The following RIMS2 variants were observed in gnomAD, a reference collection of about 807,000 sequenced individuals.
RIMS2 encodes regulating synaptic membrane exocytosis protein 2.
RIMS2 carries 59 observed loss-of-function variants against 174.4 expected under a neutral mutation model. The ratio of observed to expected loss-of-function variants is 0.34; its 90% CI spans 0.27 to 0.42. The LOEUF (loss-of-function observed/expected upper bound fraction) is 0.42. Among genes scored for constraint, RIMS2 ranks in the 10% least tolerant of loss-of-function variants. The probability of loss-of-function intolerance (pLI) is 1.00; values close to 1 mark genes in which losing one functional copy is unlikely to be tolerated. For missense variants in RIMS2, 1,620 were observed against 1,666.3 expected, an observed-to-expected ratio of 0.97 and a Z score of 0.48; for synonymous variants, 606 against 572.5, an observed-to-expected ratio of 1.06 and a Z score of -0.84.
At chr8:103,878,919 C>T (rs1396556273) in intron 3 of RIMS2, among the ~76,000 whole-genome samples, 1 of 151,582 alleles carries the variant, frequency 6.6e-6, no homozygotes, top group Non-Finnish European at 1.5e-5. Context: ...ATTTTAAGAT[C>T]CAATTGTAAT....
At chr8:103,633,972 C>T (rs746138284) in intron 1 of RIMS2, among the ~76,000 whole-genome samples, 1 of 152,036 alleles carries the variant, frequency 6.6e-6, no homozygotes, top group Non-Finnish European at 1.5e-5. Flanking sequence ...AAATCAACTG[C>T]TGGATTTGTT....
At chr8:103,834,411 A>T (rs78977448) in intron 3 of RIMS2, among the ~76,000 whole-genome samples, 1,681 of 141,000 alleles carry the variant, frequency 0.012, 22 homozygotes, top group South Asian at 0.05. Flanking sequence ...ATTATTGCTC[A>T]CTGCAGCTTC....
At chr8:104,098,268 A>C (rs763576948) in intron 19 of RIMS2, among the ~76,000 whole-genome samples, 2 of 152,194 alleles carry the variant, frequency 1.3e-5, no homozygotes, top group Non-Finnish European at 2.9e-5. Context: ...AAGTTTAATG[A>C]AATTAAACAT....
intron 1 of RIMS2, among the ~76,000 whole-genome samples, chr8:103,618,806 G>A (rs995349635): frequency 1.3e-5 from 2 of 152,100 alleles, no homozygotes; most frequent in African/African-American, 4.8e-5. Context: ...GACTCAAGTG[G>A]AGCAAATGAG....
intron 1 of RIMS2, among the ~76,000 whole-genome samples, chr8:103,619,317 A>G (rs1991282): frequency 6.6e-6 from 1 of 151,016 alleles, no homozygotes; most frequent in Non-Finnish European, 1.5e-5. Flanking sequence ...AAAATTCTAG[A>G]TGATATCAAC....
At chr8:103,746,439 T>C (rs1271095787) in intron 2 of RIMS2, among the ~76,000 whole-genome samples, 2 of 152,146 alleles carry the variant, frequency 1.3e-5, no homozygotes, top group African/African-American at 2.4e-5. Context: ...ACTAGCTGTA[T>C]TTATTTTATT....
At chr8:104,113,942 C>T (rs1003195110) in intron 19 of RIMS2, among the ~76,000 whole-genome samples, 3 of 151,614 alleles carry the variant, frequency 2.0e-5, no homozygotes, top group African/African-American at 7.3e-5. Flanking sequence ...GGATTAATGG[C>T]ATACAAAAAA....
chr8:103,782,735 A>G (rs1198651140), intron 3 of RIMS2, among the ~76,000 whole-genome samples: 2 of 152,128 alleles, frequency 1.3e-5, no homozygotes, highest in Non-Finnish European at 2.9e-5. Flanking sequence ...TTTTTTTATC[A>G]TAAGTGAGTC....
chr8:103,841,309 C>CT (rs1206591079), intron 3 of RIMS2, among the ~76,000 whole-genome samples: 1 of 152,116 alleles, frequency 6.6e-6, no homozygotes, highest in Non-Finnish European at 1.5e-5. Flanking sequence ...GAAATTGCTG[C>CT]TTTTTTTCTT....
intron 19 of RIMS2, among the ~76,000 whole-genome samples, chr8:104,036,133 TTTTA>T (rs142714435): frequency 0.2 from 29,804 of 146,688 alleles, 3,211 homozygotes; most frequent in African/African-American, 0.27. Flanking sequence ...ATTTATTTTA[TTTTA>T]TTTATTTATT....
chr8:103,918,521 T>G (rs1258828520), intron 9 of RIMS2, 34 bp downstream of exon 12: 6 of 1,449,708 alleles, frequency 4.1e-6, no homozygotes, highest in Non-Finnish European at 5.8e-6. Context: ...AAAACGTTAT[T>G]TATAATTGCA....
chr8:103,596,953 C>G (rs1459950862), intron 1 of RIMS2, among the ~76,000 whole-genome samples: 1 of 151,966 alleles, frequency 6.6e-6, no homozygotes, highest in Admixed American at 6.6e-5. Flanking sequence ...CAATATGAAT[C>G]TTAATATTTT....
intron 1 of RIMS2, among the ~76,000 whole-genome samples, chr8:103,575,383 C>G (rs1335140655): frequency 6.6e-6 from 1 of 152,024 alleles, no homozygotes; most frequent in Non-Finnish European, 1.5e-5. Context: ...GCAGTATCTA[C>G]CAAAGCTGAA....
intron 4 of RIMS2, among the ~76,000 whole-genome samples, chr8:103,887,421 G>T (rs1594586373): frequency 6.6e-6 from 1 of 150,872 alleles, no homozygotes; most frequent in South Asian, 2.1e-4. Context: ...TTTGTATTTG[G>T]TGATTTTTTT....
At chr8:104,239,115 T>C (rs1403703365) in intron 19 of RIMS2, among the ~76,000 whole-genome samples, 9 of 152,196 alleles carry the variant, frequency 5.9e-5, no homozygotes, top group African/African-American at 2.2e-4. Flanking sequence ...AGTTTGACAA[T>C]GCATTGTAAG....
chr8:103,868,005 G>A lies in RIMS2; in HGVS notation c.699-17293G>A, dbSNP rs372916081. 6.6e-5 allele frequency among the ~76,000 whole-genome samples: 10 copies of A among 151,954 alleles called. No homozygotes were observed. The South Asian group carries it at 1.9e-3, about 28-fold the overall frequency. ...AGCCCATTATGTTTAATAATGTTCT[G>A]TTACAAATTTGTTTTTGGCTTCATT... On this transcript the variant is annotated intron_variant, in intron 3 of 23. Coordinates refer to ENST00000504942, the Ensembl canonical transcript of RIMS2.
chr8:103,559,699 A>G lies in RIMS2; in HGVS notation c.176+58637A>G, dbSNP rs1057395753. Among the ~76,000 whole-genome samples, 11 of 152,234 alleles carry G rather than the reference A, an allele frequency of 7.2e-5. 1 individual carries two copies. The highest frequency in any genetic ancestry group is 1.6e-4 in the Non-Finnish European group (11 of 68,032). On this transcript the variant is annotated intron_variant, in intron 1 of 23. Coordinates refer to ENST00000504942, the Ensembl canonical transcript of RIMS2. ...AATAGATACTTAATGAAATTATATC[A>G]ATATGTGTTAGATTATCAAAAACCA...
chr8:104,198,491 A>G (rs886741241), intron 19 of RIMS2, among the ~76,000 whole-genome samples: 9 of 152,262 alleles, frequency 5.9e-5, no homozygotes, highest in African/African-American at 2.2e-4. Flanking sequence ...TATTTCTAGG[A>G]GGCTGTGGAT....
chr8:103,878,639 G>C (rs2099152998), intron 3 of RIMS2, among the ~76,000 whole-genome samples: 4 of 151,090 alleles, frequency 2.6e-5, no homozygotes, highest in African/African-American at 4.9e-5. Flanking sequence ...AGTAGTATTG[G>C]TACCAGATCT....
Sources: gnomAD v4.1 joint callset for allele counts (sites outside exome capture counted in the v4.1 genomes callset) on GRCh38, gnomAD v4.1.1 for gene constraint, MANE v1.5 for transcripts, NCBI Gene and HGNC (gene_info 2026-07-23, HGNC 2026-07-21) for gene names.